Variants in RNF43 observed in about 807,000 individuals in gnomAD.
RNF43 encodes the protein ring finger protein 43, also known as E3 ubiquitin-protein ligase RNF43.
Under a neutral mutation model 78.4 loss-of-function variants are expected in RNF43, and 37 were observed. The observed-to-expected ratio is 0.47, with a 90% CI of 0.36 to 0.62. The LOEUF is 0.62. Ranked by LOEUF, RNF43 falls within the 20% of genes least tolerant of loss-of-function variation. RNF43 has a pLI of 0.00. For synonymous variants in RNF43, 347 were observed against 395.0 expected, an observed-to-expected ratio of 0.88 and a Z score of 1.44; for missense variants, 774 against 1,007.9, an observed-to-expected ratio of 0.77 and a Z score of 3.14.
rs1219683798 is a variant in RNF43 at position 58,404,744 on chromosome 17, G to A, written c.252+10582C>T. Among the ~76,000 whole-genome samples, 3 of 152,104 alleles carry A rather than the reference G, an allele frequency of 2.0e-5. No homozygotes were observed. The East Asian group carries it at 5.8e-4, about 29-fold the overall frequency. On this transcript the variant is annotated intron_variant, in intron 2 of 9. Transcript: ENST00000407977. ...ATACTCTTCACCTTCTACATAAAAG[G>A]TCTTAGTATTTATTTCTTCCCTTAT...
At position 58,357,192 on chromosome 17, in the gene RNF43, C is replaced by G. The variant is rs777845059; in HGVS notation, c.2308+276G>C. 3 of 702,758 alleles carry G rather than the reference C, an allele frequency of 4.3e-6. No individual in the cohort carries two copies. The South Asian group carries it at 4.4e-5, about 10-fold the overall frequency. 43.5% of individuals were successfully genotyped at this position (702,758 alleles called of 1,614,324 possible). The stretch of plus-strand genomic sequence containing the variant: ...TACAGGCATGAGCCATCACACCCGG[C>G]CTTCCAAGTGCCTTTCTGATGCCTC... On this transcript the variant is annotated intron_variant, in intron 9 of 9. Transcript: ENST00000407977. The surrounding 1 kb of genome is among the most constrained non-coding windows in gnomAD (Gnocchi z 4.5).
Position 58,362,593 on chromosome 17 carries a change from A to G in RNF43, c.638T>C (p.Ile213Thr), listed in dbSNP as rs1291066204. 6.2e-7 allele frequency: 1 copy of G among 1,612,210 alleles called. No individual in the cohort carries two copies. ...MTVVGTIFVI[I>T]LASVLRIRCR... ...CCGGATGCGCAGCACCGAAGCCAGG[A>G]TGATCACAAAGATGGTGCCCACCAC... is the stretch of plus-strand genomic sequence containing the variant. Residue 213 changes from isoleucine (I) to threonine (T), a missense_variant, in exon 6 of 10, where the codon ATC becomes ACC. By Grantham distance (89) the Ile-to-Thr change is moderately conservative. Coordinates refer to ENST00000407977, the MANE Select transcript of RNF43 (RefSeq NM_017763.6).
intron 3 of RNF43, among the ~76,000 whole-genome samples, chr17:58,369,966 C>T (rs1320877714): frequency 6.6e-6 from 1 of 151,518 alleles, no homozygotes; most frequent in Non-Finnish European, 1.5e-5. Flanking sequence ...AGGCCCACAG[C>T]TGTGGAAAAG....
At chr17:58,370,687 G>T (rs935945307) in intron 3 of RNF43, among the ~76,000 whole-genome samples, 8 of 152,194 alleles carry the variant, frequency 5.3e-5, no homozygotes, top group Non-Finnish European at 7.3e-5. Context: ...GTGGGATGGG[G>T]AGCATGCTGG....
At chr17:58,371,120 G>A in intron 2 of RNF43, 87 bp from the exon 3 acceptor site, 1 of 1,340,794 alleles carries the variant, frequency 7.5e-7, no homozygotes, top group Non-Finnish European at 1.0e-6. Flanking sequence ...TTTTTCTAGG[G>A]AGGTACCAGG....
intron 2 of RNF43, chr17:58,394,833 C>T (rs1973641680): frequency 6.6e-6 from 1 of 152,206 alleles, no homozygotes; most frequent in African/African-American, 2.4e-5. Context: ...CCAGCTGTGT[C>T]TTTGAACTTT....
At chr17:58,376,022 G>A (rs1243100858) in intron 2 of RNF43, among the ~76,000 whole-genome samples, 6 of 152,240 alleles carry the variant, frequency 3.9e-5, no homozygotes, top group Admixed American at 6.5e-5. Flanking sequence ...CAGGAGGGCA[G>A]GAAGGAGGTG....
chr17:58,365,694 C>A (rs1356507039), intron 3 of RNF43, among the ~76,000 whole-genome samples: 2 of 152,210 alleles, frequency 1.3e-5, no homozygotes, highest in Non-Finnish European at 2.9e-5. Context: ...ATCTATGCCT[C>A]TTGTCCACCT....
intron 2 of RNF43, among the ~76,000 whole-genome samples, chr17:58,413,281 T>C (rs1191846085): frequency 6.6e-6 from 1 of 152,148 alleles, no homozygotes; most frequent in African/African-American, 2.4e-5. Context: ...CAGAAGCTTG[T>C]TTTTTAAAAA....
intron 2 of RNF43, among the ~76,000 whole-genome samples, chr17:58,414,485 A>G (rs1388583523): frequency 2.0e-5 from 3 of 152,250 alleles, no homozygotes; most frequent in Admixed American, 6.5e-5. Context: ...AGACAATGGA[A>G]TGCCCATTAA....
At chr17:58,356,900 T>G (rs955958013) in intron 9 of RNF43, 9 of 208,348 alleles carry the variant, frequency 4.3e-5, no homozygotes, top group African/African-American at 1.9e-4. Context: ...TTTTTTTTTT[T>G]TTTTTTTTTT....
chr17:58,374,503 C>T (rs1973165354), intron 2 of RNF43, among the ~76,000 whole-genome samples: 1 of 151,980 alleles, frequency 6.6e-6, no homozygotes. Flanking sequence ...AGCAATTCTC[C>T]TGCCTCAGCC....
In RNF43 at chr17:58,358,094, C is replaced by G. The variant is rs553934414; in HGVS notation, c.1682G>C (p.Arg561Pro). 6.2e-7 allele frequency: 1 copy of G among 1,609,052 alleles called. No homozygotes were observed. The highest frequency in any genetic ancestry group is 8.5e-7 in the Non-Finnish European group (1 of 1,177,536). The change falls in exon 9 of 10, where the codon CGG becomes CCG. Residue 561 changes from arginine (R) to proline (P), a missense_variant. By Grantham distance (103) the Arg-to-Pro change is moderately radical. Coordinates refer to ENST00000407977, the MANE Select transcript of RNF43 (RefSeq NM_017763.6). This position sits in a 1 kb window ranked among gnomAD's most constrained non-coding sequence, Gnocchi z 6.2. ...AGGCTTCCTGCCATGCCACTGGAAC[C>G]GCTTTTTGTAGTGGTGGTGCCGGTG... ...HRHRHHHYKK[R>P]FQWHGRKPGP...
At chr17:58,379,669 G>A (rs1403217741) in intron 2 of RNF43, among the ~76,000 whole-genome samples, 1 of 152,170 alleles carries the variant, frequency 6.6e-6, no homozygotes, top group African/African-American at 2.4e-5. Flanking sequence ...ACTCTGCCTG[G>A]CATCTTTCTA....
rs114370795 is a variant in RNF43, at chr17:58,385,421, C to T, written c.253-14388G>A. On this transcript the variant is annotated intron_variant, in intron 2 of 9. Transcript: ENST00000407977. ...TCTTAACTTAACCTATTTCAGTTAA[C>T]GGCACCACCATTTTCCTAGAGACTC... Among the ~76,000 whole-genome samples the T allele has an allele frequency of 3.4e-3, 512 of 152,318 alleles. 2 individuals are homozygous for T. Among genetic ancestry groups the T allele is most frequent in the African/African-American group, 0.012 (482 of 41,572 alleles).
chr17:58,410,063 T>C (rs963584833), intron 2 of RNF43, among the ~76,000 whole-genome samples: 5 of 138,000 alleles, frequency 3.6e-5, no homozygotes, highest in South Asian at 2.4e-4. Context: ...AATAGCCTGA[T>C]GGGAGCAATA....
At chr17:58,391,533 G>A (rs1325826159) in intron 2 of RNF43, among the ~76,000 whole-genome samples, 3 of 152,172 alleles carry the variant, frequency 2.0e-5, no homozygotes, top group African/African-American at 7.2e-5. Context: ...CCACAGTGGG[G>A]GCCAACGCTG....
intron 2 of RNF43, among the ~76,000 whole-genome samples, chr17:58,375,787 A>G (rs552842546): frequency 3.3e-5 from 5 of 152,396 alleles, no homozygotes; most frequent in African/African-American, 9.6e-5. Context: ...AGAATAAAAA[A>G]GAACGACAGT....
intron 2 of RNF43, among the ~76,000 whole-genome samples, chr17:58,373,597 A>C (rs1239489542): frequency 6.6e-6 from 1 of 152,196 alleles, no homozygotes; most frequent in Non-Finnish European, 1.5e-5. Context: ...ATAGGCATGC[A>C]ATGTGTAATA....
Sources: allele counts gnomAD v4.1 joint callset (sites outside exome capture counted in the v4.1 genomes callset), GRCh38; gene constraint gnomAD v4.1.1; non-coding constraint Gnocchi (gnomAD v3.1); transcripts MANE v1.5; gene names NCBI Gene and HGNC (gene_info 2026-07-23, HGNC 2026-07-21).